PIK3C2A: variants seen among roughly 807,000 people sequenced by gnomAD.
The protein encoded by PIK3C2A is phosphatidylinositol-4-phosphate 3-kinase catalytic subunit type 2 alpha.
Under a neutral mutation model 204.5 loss-of-function variants are expected in PIK3C2A, and 97 were observed. The ratio of observed to expected loss-of-function variants is 0.47; its 90% CI spans 0.40 to 0.56. PIK3C2A has a LOEUF of 0.56. Ranked by LOEUF, PIK3C2A falls within the 20% of genes least tolerant of loss-of-function variation. PIK3C2A has a pLI of 0.00. For missense variants in PIK3C2A, 1,735 were observed against 1,969.2 expected, an observed-to-expected ratio of 0.88 and a Z score of 2.25; for synonymous variants, 653 against 664.4, an observed-to-expected ratio of 0.98 and a Z score of 0.26.
rs1326144315 is a variant in PIK3C2A, at chr11:17,167,461, A to G, written c.1065+1216T>C. 3.3e-5 allele frequency among the ~76,000 whole-genome samples: 5 copies of G among 152,148 alleles called. No homozygotes were observed. The South Asian group carries it at 1.0e-3, about 32-fold the overall frequency. Reference sequence around the variant, plus strand: ...AACATGGAGAAACCCGGTTTCTACTAAAAATACAAAACCAGCCAGTGTAGT... The same window carrying G: ...AACATGGAGAAACCCGGTTTCTACTGAAAATACAAAACCAGCCAGTGTAGT... On this transcript the variant is annotated intron_variant, in intron 2 of 32. Coordinates refer to ENST00000691414, the MANE Select transcript of PIK3C2A (RefSeq NM_002645.4).
At chr11:17,185,729 A>T (rs1373071415) in intron 1 of PIK3C2A, among the ~76,000 whole-genome samples, 1 of 152,230 alleles carries the variant, frequency 6.6e-6, no homozygotes, top group African/African-American at 2.4e-5. Flanking sequence ...TATCTTCAAA[A>T]TATTTCTGAA....
At chr11:17,141,966 C>T (rs1229627580) in intron 8 of PIK3C2A, among the ~76,000 whole-genome samples, 4 of 152,036 alleles carry the variant, frequency 2.6e-5, no homozygotes, top group Admixed American at 2.6e-4. Flanking sequence ...GACAAAGTTG[C>T]CATTTATTAA....
chr11:17,150,823 A>T (rs6486352), intron 3 of PIK3C2A, among the ~76,000 whole-genome samples, 168 bp from the exon 4 acceptor site: 63,840 of 151,944 alleles, frequency 0.42, 13,763 homozygotes, highest in Non-Finnish European at 0.47. Context: ...AAATACCAGC[A>T]TTTTCCTTTT....
chr11:17,173,037 C>T (rs214933), intron 1 of PIK3C2A, among the ~76,000 whole-genome samples: 46,369 of 152,112 alleles, frequency 0.3, 8,089 homozygotes, highest in East Asian at 0.8. Flanking sequence ...ACTTGTCCTT[C>T]AGGGCCCAAT....
chr11:17,110,408 T>C, intron 22 of PIK3C2A, 24 bp downstream of exon 22: 1 of 1,590,312 alleles, frequency 6.3e-7, no homozygotes, highest in Non-Finnish European at 8.6e-7. Flanking sequence ...AAATAAGACA[T>C]CAAGACACAG....
chr11:17,176,409 G>A (rs943218319), intron 1 of PIK3C2A, among the ~76,000 whole-genome samples: 1 of 151,818 alleles, frequency 6.6e-6, no homozygotes, highest in Non-Finnish European at 1.5e-5. Flanking sequence ...GAGCCCAGGA[G>A]TACCAGACCA....
chr11:17,114,956 C>G (rs1849131737), intron 19 of PIK3C2A, among the ~76,000 whole-genome samples: 1 of 152,088 alleles, frequency 6.6e-6, no homozygotes, highest in African/African-American at 2.4e-5. Context: ...AATGTACACA[C>G]CAACCAAAGT....
In PIK3C2A at chr11:17,102,271, C is replaced by G. The variant is rs1002009116; in HGVS notation, c.3851+391G>C. On this transcript the variant is annotated intron_variant, in intron 24 of 32. Coordinates refer to ENST00000691414, the MANE Select transcript of PIK3C2A (RefSeq NM_002645.4). ...CTAACACGGTGAAACCCCGTCTCTA[C>G]TAAAAATACAAAAAAATTAGCCGGG... Among the ~76,000 whole-genome samples, 3 of 152,012 alleles carry G rather than the reference C, an allele frequency of 2.0e-5. No individual in the cohort carries two copies. In the South Asian group the frequency reaches 6.2e-4, roughly 32 times the overall value.
intron 8 of PIK3C2A, among the ~76,000 whole-genome samples, chr11:17,138,646 CT>C (rs1481007542): frequency 6.6e-6 from 1 of 152,144 alleles, no homozygotes; most frequent in Admixed American, 6.5e-5. Flanking sequence ...CAAACTTTTC[CT>C]TTAAAAGGCC....
At chr11:17,144,208 C>A (rs955830283) in intron 8 of PIK3C2A, among the ~76,000 whole-genome samples, 1 of 152,130 alleles carries the variant, frequency 6.6e-6, no homozygotes, top group Admixed American at 6.5e-5. Flanking sequence ...ATACCCTTCC[C>A]AATTTTTTCT....
At chr11:17,138,086 TG>T in intron 8 of PIK3C2A, 1 of 699,864 alleles carries the variant, frequency 1.4e-6, no homozygotes, top group Non-Finnish European at 2.6e-6. Context: ...TTAGCACACA[TG>T]GAATCACCAT....
rs763539325 is a variant in PIK3C2A, at chr11:17,122,766, T to G, written c.2447A>C (p.His816Pro). The G allele has an allele frequency of 6.4e-7, 1 of 1,569,954 alleles. No individual in the cohort carries two copies. Among genetic ancestry groups the G allele is most frequent in the Non-Finnish European group, 8.7e-7 (1 of 1,143,094 alleles). Residue 816 changes from histidine to proline, a missense_variant, in exon 14 of 33, where the codon CAT becomes CCT. Physicochemically the swap from His to Pro is moderately conservative, Grantham distance 77. This residue lies in a region of PIK3C2A where 567 missense variants were observed against 576.0 expected (regional missense o/e 0.98). Transcript: ENST00000691414. ...TKLLYLWTSS[H>P]TNSVPGTVTK... is the part of the protein sequence containing the mutation. Reference sequence around the variant, plus strand: ...AACTGTTCCAGGAACAGAATTTGTATGTGATGAAGTCCAAAGATATAGAAG... The same window carrying G: ...AACTGTTCCAGGAACAGAATTTGTAGGTGATGAAGTCCAAAGATATAGAAG...
chr11:17,138,175 T>G, intron 8 of PIK3C2A: 1 of 877,588 alleles, frequency 1.1e-6, no homozygotes, highest in Non-Finnish European at 1.9e-6. Flanking sequence ...CCTCAAAGTC[T>G]ACCTGGGTAC....
intron 16 of PIK3C2A, 128 bp from the exon 17 acceptor site, chr11:17,119,441 T>C (rs1849304386): frequency 1.5e-6 from 1 of 667,408 alleles, no homozygotes; most frequent in African/African-American, 1.8e-5. Flanking sequence ...TCAAAAGCAA[T>C]GTATTTCTTC....
At chr11:17,116,255 C>T (rs1849185918) in intron 19 of PIK3C2A, among the ~76,000 whole-genome samples, 1 of 151,928 alleles carries the variant, frequency 6.6e-6, no homozygotes, top group Non-Finnish European at 1.5e-5. Context: ...GATATTTCTC[C>T]AAAGAATACA....
intron 3 of PIK3C2A, 73 bp from the exon 4 acceptor site, chr11:17,150,728 C>T: frequency 3.7e-6 from 4 of 1,072,772 alleles, no homozygotes; most frequent in Non-Finnish European, 5.2e-6. Flanking sequence ...CAAGGCTTTA[C>T]ATGTTTACAG....
chr11:17,168,621 C>T (rs1590987307), intron 2 of PIK3C2A, 56 bp downstream of exon 2: 1 of 1,179,500 alleles, frequency 8.5e-7, no homozygotes, highest in African/African-American at 1.5e-5. Flanking sequence ...ATTATGTACA[C>T]AAATATGAAC....
chr11:17,178,554 T>C (rs1851416352), intron 1 of PIK3C2A, among the ~76,000 whole-genome samples: 1 of 152,128 alleles, frequency 6.6e-6, no homozygotes, highest in African/African-American at 2.4e-5. Context: ...GATAACTTAC[T>C]GTCTTATTTA....
At chr11:17,107,250 T>C (rs1848855963) in intron 22 of PIK3C2A, among the ~76,000 whole-genome samples, 2 of 152,088 alleles carry the variant, frequency 1.3e-5, no homozygotes, top group East Asian at 1.9e-4. Flanking sequence ...GAGGCGGAGC[T>C]TGCAGTGAGC....
Sources: allele counts gnomAD v4.1 joint callset (sites outside exome capture counted in the v4.1 genomes callset), GRCh38; gene constraint gnomAD v4.1.1; regional missense constraint gnomAD v4.1.1; transcripts MANE v1.5; gene names NCBI Gene and HGNC (gene_info 2026-07-23, HGNC 2026-07-21).